Variants in HS6ST3 observed in about 807,000 individuals in gnomAD.
HS6ST3 encodes heparan sulfate 6-O-sulfotransferase 3.
Under a neutral mutation model 36.7 loss-of-function variants are expected in HS6ST3, and 12 were observed. The ratio of observed to expected loss-of-function variants is 0.33; its 90% CI spans 0.21 to 0.53. HS6ST3 has a LOEUF of 0.53. Ranked by LOEUF, HS6ST3 falls within the 20% of genes least tolerant of loss-of-function variation. HS6ST3 has a pLI of 0.95. For missense variants in HS6ST3, 584 were observed against 640.9 expected (o/e 0.91, Z 0.96); for synonymous variants, 240 against 257.5 (o/e 0.93, Z 0.65).
chr13:96,650,760 T>C (rs746086630), intron 1 of HS6ST3, among the ~76,000 whole-genome samples: 18 of 152,062 alleles, frequency 1.2e-4, no homozygotes, highest in Non-Finnish European at 2.4e-4. Flanking sequence ...CCTGAAAGTC[T>C]TGTGGTCTAT....
chr13:96,362,663 G>A (rs1432315414), intron 1 of HS6ST3, among the ~76,000 whole-genome samples: 2 of 152,128 alleles, frequency 1.3e-5, no homozygotes, highest in Non-Finnish European at 2.9e-5. Context: ...CTCTTCAAGA[G>A]AAATGAACAC....
chr13:96,129,796 G>A (rs2053967685), intron 1 of HS6ST3, among the ~76,000 whole-genome samples: 1 of 152,128 alleles, frequency 6.6e-6, no homozygotes. Flanking sequence ...TACAAAAAGG[G>A]GAAATTTGAA....
chr13:96,208,406 A>G (rs923418798), intron 1 of HS6ST3, among the ~76,000 whole-genome samples: 1 of 152,138 alleles, frequency 6.6e-6, no homozygotes, highest in Admixed American at 6.5e-5. Context: ...TTGGCTCTAG[A>G]TATACAGGTA....
intron 1 of HS6ST3, among the ~76,000 whole-genome samples, chr13:96,543,190 A>G (rs965010628): frequency 6.6e-6 from 1 of 152,180 alleles, no homozygotes; most frequent in Non-Finnish European, 1.5e-5. Flanking sequence ...AGCAGCTCCC[A>G]GCAGTGCATT....
intron 1 of HS6ST3, among the ~76,000 whole-genome samples, chr13:96,553,209 C>G (rs2056226121): frequency 6.6e-6 from 1 of 152,136 alleles, no homozygotes; most frequent in African/African-American, 2.4e-5. Context: ...GGCTTATAGC[C>G]CCTTCCTAGG....
Position 96,180,125 on chromosome 13 carries a change from G to A in HS6ST3, c.707+88556G>A, listed in dbSNP as rs117382784. On this transcript the variant is annotated intron_variant, in intron 1 of 1. Transcript: ENST00000376705. The stretch of plus-strand genomic sequence containing the variant: ...GTTGGGATTACAGGCGTGACCCACC[G>A]CACCCAGCCTGTGTTTCCTGCTTTT... Among the ~76,000 whole-genome samples the A allele has an allele frequency of 3.9e-3, 587 of 152,118 alleles. 1 individual carries two copies. The highest frequency in any genetic ancestry group is 7.2e-3 in the Non-Finnish European group (491 of 67,990).
intron 1 of HS6ST3, among the ~76,000 whole-genome samples, chr13:96,765,323 T>C (rs112987425): frequency 0.13 from 20,248 of 151,700 alleles, 1,757 homozygotes; most frequent in Non-Finnish European, 0.19. Context: ...CTGCCCTCCT[T>C]GGCCTCCCAA....
chr13:96,412,869 A>T (rs777411334), intron 1 of HS6ST3, among the ~76,000 whole-genome samples: 2 of 150,480 alleles, frequency 1.3e-5, no homozygotes, highest in Non-Finnish European at 3.0e-5. Context: ...ATATAAAAAC[A>T]TATATAAGCC....
intron 1 of HS6ST3, among the ~76,000 whole-genome samples, chr13:96,651,475 C>T (rs1353990417): frequency 6.6e-6 from 1 of 152,004 alleles, no homozygotes; most frequent in Non-Finnish European, 1.5e-5. Context: ...AGCTTGGCTC[C>T]CTTATGCACC....
At chr13:96,781,460 A>G (rs1327399473) in intron 1 of HS6ST3, among the ~76,000 whole-genome samples, 1 of 152,252 alleles carries the variant, frequency 6.6e-6, no homozygotes, top group African/African-American at 2.4e-5. Flanking sequence ...TGAAGAGCCA[A>G]CAACGAAGCT....
At chr13:96,333,111 T>C (rs539160141) in intron 1 of HS6ST3, among the ~76,000 whole-genome samples, 192 of 152,340 alleles carry the variant, frequency 1.3e-3, no homozygotes, top group African/African-American at 4.3e-3. Context: ...GAGATTTTGT[T>C]ATAGCAGTGC....
chr13:96,261,168 T>C (rs1566304737), intron 1 of HS6ST3, among the ~76,000 whole-genome samples: 2 of 151,930 alleles, frequency 1.3e-5, no homozygotes, highest in Non-Finnish European at 2.9e-5. Context: ...TCACAGAAAT[T>C]CATTAGTAAA....
intron 1 of HS6ST3, among the ~76,000 whole-genome samples, chr13:96,756,640 T>C (rs1876839179): frequency 6.6e-6 from 1 of 152,204 alleles, no homozygotes. Context: ...ATAAGCATAG[T>C]GTATAATATT....
chr13:96,759,429 A>G (rs1566446724), intron 1 of HS6ST3, among the ~76,000 whole-genome samples: 2 of 151,738 alleles, frequency 1.3e-5, no homozygotes, highest in East Asian at 3.8e-4. Flanking sequence ...ATGGCTTTTT[A>G]TGTATACCTT....
chr13:96,152,529 G>C (rs1488769396), intron 1 of HS6ST3, among the ~76,000 whole-genome samples: 1 of 151,896 alleles, frequency 6.6e-6, no homozygotes, highest in Non-Finnish European at 1.5e-5. Context: ...AGTAGAGTCG[G>C]GGTTTCACCG....
chr13:96,740,613 GT>G (rs1363983123), intron 1 of HS6ST3, among the ~76,000 whole-genome samples: 6 of 152,158 alleles, frequency 3.9e-5, no homozygotes, highest in South Asian at 2.1e-4. Flanking sequence ...TATGGACAGG[GT>G]TTTCTGCTAG....
At chr13:96,213,676 C>T (rs1594718748) in intron 1 of HS6ST3, among the ~76,000 whole-genome samples, 2 of 152,070 alleles carry the variant, frequency 1.3e-5, no homozygotes, top group East Asian at 3.9e-4. Flanking sequence ...GGAGAGAAAA[C>T]TAGGAAAACT....
chr13:96,500,116 C>T (rs527293667), intron 1 of HS6ST3, among the ~76,000 whole-genome samples: 6 of 152,224 alleles, frequency 3.9e-5, no homozygotes, highest in South Asian at 4.2e-4. Context: ...TGGCAACCAC[C>T]GATCGACTTT....
intron 1 of HS6ST3, among the ~76,000 whole-genome samples, chr13:96,781,209 A>C (rs1190476429): frequency 1.3e-5 from 2 of 152,218 alleles, no homozygotes; most frequent in Admixed American, 6.5e-5. Context: ...ATTCCATGTT[A>C]GCTGCCAAGC....
Sources: allele counts gnomAD v4.1 joint callset (sites outside exome capture counted in the v4.1 genomes callset), GRCh38; gene constraint gnomAD v4.1.1; transcripts MANE v1.5; gene names NCBI Gene and HGNC (gene_info 2026-07-23, HGNC 2026-07-21).